The following TRABD2A variants were observed in gnomAD, a reference collection of about 807,000 sequenced individuals.
TRABD2A encodes the protein metalloprotease TIKI1.
In TRABD2A, 43 loss-of-function variants were observed where a neutral mutation model predicts 45.6. The ratio of observed to expected loss-of-function variants is 0.94; its 90% confidence interval spans 0.74 to 1.22. The LOEUF is 1.22. Ranked by LOEUF, TRABD2A falls within the 50% of genes most tolerant of loss-of-function variation. TRABD2A has a pLI of 0.00. For synonymous variants in TRABD2A, 269 were observed against 265.0 expected (o/e 1.02, Z -0.15); for missense variants, 642 against 652.4 (o/e 0.98, Z 0.17).
intron 4 of TRABD2A, chr2:84,837,514 G>T (rs115253264): frequency 0.26 from 38,824 of 151,776 alleles, 5,598 homozygotes; most frequent in African/African-American, 0.41. Flanking sequence ...CTCTCCCTTA[G>T]TCCCAGGTGC....
At chr2:84,875,898 T>A (rs1354683617) in intron 1 of TRABD2A, among the ~76,000 whole-genome samples, 1 of 150,142 alleles carries the variant, frequency 6.7e-6, no homozygotes, top group Non-Finnish European at 1.5e-5. Flanking sequence ...GAGGTTGAGG[T>A]AGGAAGATGG....
At chr2:84,864,803 C>G (rs984535274) in intron 2 of TRABD2A, among the ~76,000 whole-genome samples, 4 of 152,156 alleles carry the variant, frequency 2.6e-5, no homozygotes, top group Non-Finnish European at 5.9e-5. Context: ...ATGGTATCCC[C>G]GGGATCCTCT....
chr2:84,857,726 T>C (rs1382109242), intron 2 of TRABD2A, among the ~76,000 whole-genome samples: 1 of 152,162 alleles, frequency 6.6e-6, no homozygotes, highest in Admixed American at 6.5e-5. Context: ...AGACTCCCGA[T>C]GTCTTCCTTC....
chr2:84,880,030 G>A (rs1683151870), intron 1 of TRABD2A, among the ~76,000 whole-genome samples: 1 of 138,160 alleles, frequency 7.2e-6, no homozygotes, highest in Non-Finnish European at 1.5e-5. Flanking sequence ...CGCACCAGAA[G>A]GATAAGCCTG....
chr2:84,844,047 G>A (rs990972670), intron 2 of TRABD2A: 1 of 152,200 alleles, frequency 6.6e-6, no homozygotes, highest in Non-Finnish European at 1.5e-5. Flanking sequence ...TCTCCCCAAG[G>A]TTCTGCACAA....
At chr2:84,878,255 G>A (rs1239674086) in intron 1 of TRABD2A, among the ~76,000 whole-genome samples, 1 of 152,166 alleles carries the variant, frequency 6.6e-6, no homozygotes, top group Non-Finnish European at 1.5e-5. Context: ...GGCTGGACAC[G>A]GTGGCTCACG....
chr2:84,854,443 T>G (rs1203104612), intron 2 of TRABD2A, among the ~76,000 whole-genome samples: 1 of 152,184 alleles, frequency 6.6e-6, no homozygotes, highest in African/African-American at 2.4e-5. Context: ...TACTACAAAC[T>G]GACAATGTTT....
chr2:84,870,907 T>G, intron 1 of TRABD2A, 122 bp from the exon 2 acceptor site: 1 of 1,031,916 alleles, frequency 9.7e-7, no homozygotes, highest in Non-Finnish European at 1.4e-6. Context: ...ATTTAGACTT[T>G]TGAGTCCGTG....
chr2:84,836,177 G>A (rs1296833534), intron 4 of TRABD2A: 2 of 152,202 alleles, frequency 1.3e-5, no homozygotes, highest in Non-Finnish European at 2.9e-5. Flanking sequence ...TTATCAGATA[G>A]GGAATATAGT....
chr2:84,848,310 G>T (rs914239665), intron 2 of TRABD2A, among the ~76,000 whole-genome samples: 1 of 148,884 alleles, frequency 6.7e-6, no homozygotes, highest in Non-Finnish European at 1.5e-5. Flanking sequence ...TTCCATGGAT[G>T]CTGTCTGCAC....
At position 84,835,417 on chromosome 2, in the gene TRABD2A, CT is replaced by C. The variant is rs551084778; in HGVS notation, c.992-3273del. On this transcript the variant is annotated intron_variant, in intron 4 of 6. Coordinates refer to ENST00000409520, the MANE Select transcript of TRABD2A (RefSeq NM_001277053.2). ...TAGGCATTCAGTGCCCAGTGAGAGC[CT>C]TTTTTTTTTTTAATACAGAGAGTCT... is the stretch of plus-strand genomic sequence containing the variant. 5.0e-3 allele frequency: 718 copies of C among 143,536 alleles called. 17 individuals carry two copies. In the South Asian group the frequency reaches 0.078, roughly 16 times the overall value. 8.9% of individuals were successfully genotyped at this position (143,536 alleles called of 1,614,324 possible). A position where few individuals can be genotyped will look rare whatever the true frequency, so the allele number is the denominator to read the frequency against.
chr2:84,869,407 A>C (rs1682796427), intron 2 of TRABD2A, among the ~76,000 whole-genome samples: 3 of 152,222 alleles, frequency 2.0e-5, no homozygotes, highest in Non-Finnish European at 4.4e-5. Flanking sequence ...TGAAGAACCA[A>C]CTTCTTGAAC....
rs190594810 is a variant in TRABD2A, at chr2:84,859,637, A to T, written c.669+10588T>A. On this transcript the variant is annotated intron_variant, in intron 2 of 6. Coordinates refer to ENST00000409520, the MANE Select transcript of TRABD2A (RefSeq NM_001277053.2). ...GGTAACGCACTGTGGCAATACAAGA[A>T]CAGGACTGGAGCAGGGACCAAGAAT... 9.7e-4 allele frequency among the ~76,000 whole-genome samples: 147 copies of T among 152,320 alleles called. 1 individual carries two copies. The highest frequency in any genetic ancestry group is 3.4e-3 in the African/African-American group (140 of 41,570).
intron 1 of TRABD2A, among the ~76,000 whole-genome samples, chr2:84,875,349 C>A (rs1023048033): frequency 3.9e-5 from 6 of 152,166 alleles, no homozygotes; most frequent in Admixed American, 2.6e-4. Flanking sequence ...GGCCCTGAGG[C>A]AGGGAGGGCC....
In TRABD2A at chr2:84,863,299, C is replaced by T. The variant is rs1212415054; in HGVS notation, c.669+6926G>A. Among the ~76,000 whole-genome samples the T allele has an allele frequency of 2.5e-4, 32 of 129,968 alleles. No individual in the cohort carries two copies. In the Admixed American group the frequency reaches 2.7e-3, roughly 11 times the overall value. 85.3% of individuals were successfully genotyped at this position (129,968 alleles called of 152,430 possible). A position where few individuals can be genotyped will look rare whatever the true frequency, so the allele number is the denominator to read the frequency against. On this transcript the variant is annotated intron_variant, in intron 2 of 6. Coordinates refer to ENST00000409520, the MANE Select transcript of TRABD2A (RefSeq NM_001277053.2). Reference sequence around the variant, plus strand: ...TCGCTCTGTCGCCCAGGCTGGAGTGCAGTGGCGCAATCTCGGCTCACTGCA... The same window carrying T: ...TCGCTCTGTCGCCCAGGCTGGAGTGTAGTGGCGCAATCTCGGCTCACTGCA...
intron 5 of TRABD2A, 41 bp downstream of exon 5, chr2:84,832,014 G>A (rs1207156931): frequency 1.8e-5 from 29 of 1,606,864 alleles, no homozygotes; most frequent in Non-Finnish European, 2.5e-5. Context: ...CCCCATGAGG[G>A]TCTCAGCTCC....
At chr2:84,843,848 A>C (rs115812247) in intron 2 of TRABD2A, 3,547 of 152,328 alleles carry the variant, frequency 0.023, 68 homozygotes, top group South Asian at 0.057. Context: ...TTTGGAGGGG[A>C]CACATTCAAA....
At chr2:84,855,127 T>G (rs1334377930) in intron 2 of TRABD2A, among the ~76,000 whole-genome samples, 2 of 152,022 alleles carry the variant, frequency 1.3e-5, no homozygotes, top group East Asian at 3.9e-4. Flanking sequence ...AAAGAGTACA[T>G]CTACCCCACA....
At chr2:84,867,242 T>G (rs1433001633) in intron 2 of TRABD2A, among the ~76,000 whole-genome samples, 1 of 152,148 alleles carries the variant, frequency 6.6e-6, no homozygotes, top group Non-Finnish European at 1.5e-5. Context: ...TATAAGAAAT[T>G]TAGTTTATAC....
Sources: gnomAD v4.1 joint callset for allele counts (sites outside exome capture counted in the v4.1 genomes callset) on GRCh38, gnomAD v4.1.1 for gene constraint, MANE v1.5 for transcripts, NCBI Gene and HGNC (gene_info 2026-07-23, HGNC 2026-07-21) for gene names.